Variants in CHRNA7 observed in about 807,000 individuals in gnomAD.
CHRNA7 encodes neuronal acetylcholine receptor subunit alpha-7.
A neutral mutation model predicts 48.0 loss-of-function variants in CHRNA7; 17 were observed. The observed-to-expected ratio is 0.35, with a 90% CI of 0.24 to 0.53. The LOEUF is 0.53. Ranked by LOEUF, CHRNA7 falls within the 20% of genes least tolerant of loss-of-function variation. The probability of loss-of-function intolerance (pLI) is 0.92; values close to 1 mark genes in which losing one functional copy is unlikely to be tolerated. For missense variants in CHRNA7, 155 were observed against 577.7 expected (o/e 0.27, Z 7.50); for synonymous variants, 75 against 242.3 (o/e 0.31, Z 6.41).
At chr15:32,138,969 G>A (rs2051326397) in intron 4 of CHRNA7, among the ~76,000 whole-genome samples, 1 of 152,118 alleles carries the variant, frequency 6.6e-6, no homozygotes, top group Admixed American at 6.5e-5. Context: ...GGCCAAGCTG[G>A]TCTCAAACTC....
intron 4 of CHRNA7, among the ~76,000 whole-genome samples, chr15:32,118,406 A>C (rs1036510187): frequency 1.3e-5 from 2 of 152,252 alleles, no homozygotes; most frequent in African/African-American, 4.8e-5. Context: ...GAGATCTCAG[A>C]GAAGGAGTTT....
At chr15:32,098,157 G>A (rs554069806) in intron 2 of CHRNA7, among the ~76,000 whole-genome samples, 8 of 152,310 alleles carry the variant, frequency 5.3e-5, no homozygotes, top group Admixed American at 1.3e-4. Context: ...TACAAATCCC[G>A]AGGCAAGGAA....
chr15:32,069,579 C>T (rs150774757), intron 2 of CHRNA7, among the ~76,000 whole-genome samples: 2,962 of 152,138 alleles, frequency 0.019, 90 homozygotes, highest in African/African-American at 0.068. Flanking sequence ...CACAGGAGGT[C>T]GAGGCTGCAG....
At position 32,062,690 on chromosome 15, in the gene CHRNA7, AG is replaced by A. The variant is rs1363336735; in HGVS notation, c.195+31654del. ...ACATCAACTGAGTATTCTATGACCC[AG>A]TTCGATTCAGACACTACCTTGCACT... On this transcript the variant is annotated intron_variant, in intron 2 of 9. Transcript: ENST00000306901. Among the ~76,000 whole-genome samples the A allele has an allele frequency of 5.3e-5, 8 of 152,136 alleles. No individual in the cohort carries two copies. In the South Asian group the frequency reaches 1.2e-3, roughly 24 times the overall value.
chr15:32,133,541 A>G (rs775687384), intron 4 of CHRNA7, among the ~76,000 whole-genome samples: 12 of 152,200 alleles, frequency 7.9e-5, no homozygotes, highest in Non-Finnish European at 1.3e-4. Flanking sequence ...GTTGGAACTG[A>G]GAAGGCCAGG....
chr15:32,101,676 G>T, intron 3 of CHRNA7: 1 of 245,208 alleles, frequency 4.1e-6, no homozygotes, highest in Non-Finnish European at 7.7e-6. Flanking sequence ...CCAGTCCCCA[G>T]GACTCAGAAG....
At chr15:32,138,466 C>A (rs1008662954) in intron 4 of CHRNA7, among the ~76,000 whole-genome samples, 3 of 151,058 alleles carry the variant, frequency 2.0e-5, no homozygotes, top group Non-Finnish European at 4.4e-5. Context: ...AGCACAGCCT[C>A]CCCCATCATC....
intron 2 of CHRNA7, among the ~76,000 whole-genome samples, chr15:32,097,450 G>A (rs1305115741): frequency 6.6e-6 from 1 of 152,022 alleles, no homozygotes; most frequent in Non-Finnish European, 1.5e-5. Flanking sequence ...GACCTCCCGC[G>A]CCCCTTCCAC....
chr15:32,123,112 T>A lies in CHRNA7; in HGVS notation c.350+11213T>A, dbSNP rs114947246. Among the ~76,000 whole-genome samples, 390 of 152,310 alleles carry A rather than the reference T, an allele frequency of 2.6e-3. 1 individual carries two copies. The highest frequency in any genetic ancestry group is 9.1e-3 in the African/African-American group (378 of 41,562). ...AACCAAGAAAGAGGCAAACCTGGAA[T>A]ATAATCAGCACTCGTGAGTGATGGA... is the stretch of plus-strand genomic sequence containing the variant. On this transcript the variant is annotated intron_variant, in intron 4 of 9. Coordinates refer to ENST00000306901, the MANE Select transcript of CHRNA7 (RefSeq NM_000746.6).
At chr15:32,032,179 C>T (rs1289896241) in intron 2 of CHRNA7, among the ~76,000 whole-genome samples, 2 of 152,220 alleles carry the variant, frequency 1.3e-5, no homozygotes, top group Non-Finnish European at 2.9e-5. Flanking sequence ...GTTCTTCCTC[C>T]TACAGACAGA....
intron 2 of CHRNA7, among the ~76,000 whole-genome samples, chr15:32,046,136 T>C (rs1219058175): frequency 1.3e-5 from 2 of 152,198 alleles, no homozygotes; most frequent in African/African-American, 2.4e-5. Context: ...CATACGTGTG[T>C]GTGTGTCTTT....
At chr15:32,133,834 A>C (rs1489295459) in intron 4 of CHRNA7, among the ~76,000 whole-genome samples, 1 of 152,174 alleles carries the variant, frequency 6.6e-6, no homozygotes, top group African/African-American at 2.4e-5. Context: ...AGTGCAGGGC[A>C]CCTGGAGAGA....
chr15:32,040,304 G>A (rs1006782361), intron 2 of CHRNA7, among the ~76,000 whole-genome samples: 1 of 151,666 alleles, frequency 6.6e-6, no homozygotes, highest in Non-Finnish European at 1.5e-5. Context: ...TGTTGTCCTT[G>A]TTCCTTATTT....
intron 2 of CHRNA7, among the ~76,000 whole-genome samples, chr15:32,070,114 TTAAG>T (rs1344011605): frequency 7.9e-5 from 12 of 152,314 alleles, no homozygotes; most frequent in Admixed American, 2.0e-4. Flanking sequence ...ACTATATAGT[TTAAG>T]TATACAGGTT....
intron 4 of CHRNA7, among the ~76,000 whole-genome samples, chr15:32,143,004 C>T (rs374023407): frequency 3.4e-4 from 52 of 151,876 alleles, no homozygotes; most frequent in Non-Finnish European, 5.9e-4. Flanking sequence ...CTTTTCATTG[C>T]GATGTTAGGA....
intron 1 of CHRNA7, 74 bp downstream of exon 1, chr15:32,030,723 C>T (rs766700612): frequency 3.3e-6 from 5 of 1,534,970 alleles, no homozygotes; most frequent in Admixed American, 2.0e-5. Context: ...CTGTGCGCCC[C>T]GCGCCTGGGC....
chr15:32,086,051 T>C (rs2050290121), intron 2 of CHRNA7, among the ~76,000 whole-genome samples: 1 of 152,152 alleles, frequency 6.6e-6, no homozygotes, highest in Non-Finnish European at 1.5e-5. Context: ...AACTCCCTTG[T>C]AATATCTTCA....
intron 5 of CHRNA7, chr15:32,156,166 T>C (rs1288465375): frequency 7.4e-6 from 1 of 135,924 alleles, no homozygotes. Context: ...ACTGATCTGC[T>C]TTCTGTCTCT....
Position 32,137,041 on chromosome 15 carries a change from AAAAAAG to A in CHRNA7, c.351-16860_351-16855del, listed in dbSNP as rs1261496256. ...AGCGAGACTCCGTCTCAAAAAAAAA[AAAAAAG>A]AAAAAAAAAAGAAAACAGGAGAAAC... On this transcript the variant is annotated intron_variant, in intron 4 of 9. Transcript: ENST00000306901. Among the ~76,000 whole-genome samples the A allele has an allele frequency of 5.4e-5, 8 of 147,500 alleles. No individual in the cohort carries two copies. The East Asian group carries it at 9.8e-4, about 18-fold the overall frequency.
Sources: gnomAD v4.1 joint callset for allele counts (sites outside exome capture counted in the v4.1 genomes callset) on GRCh38, gnomAD v4.1.1 for gene constraint, MANE v1.5 for transcripts, NCBI Gene and HGNC (gene_info 2026-07-23, HGNC 2026-07-21) for gene names.